The following RPS6KA2 variants were observed in gnomAD, a reference collection of about 807,000 sequenced individuals.
RPS6KA2 encodes ribosomal protein S6 kinase alpha-2.
A neutral mutation model predicts 91.8 loss-of-function variants in RPS6KA2; 42 were observed. The observed-to-expected ratio is 0.46, with a 90% CI of 0.36 to 0.59. The LOEUF (loss-of-function observed/expected upper bound fraction) is 0.59. Among genes scored for constraint, RPS6KA2 ranks in the 20% least tolerant of loss-of-function variants. RPS6KA2 has a pLI of 0.00. For missense variants in RPS6KA2, 798 were observed against 978.5 expected (o/e 0.82, Z 2.46); for synonymous variants, 414 against 393.6 (o/e 1.05, Z -0.61).
chr6:166,790,107 A>G (rs1779043391), intron 2 of RPS6KA2, among the ~76,000 whole-genome samples: 2 of 152,046 alleles, frequency 1.3e-5, no homozygotes, highest in Admixed American at 6.6e-5. Flanking sequence ...GAAGTTAAAA[A>G]CTTTGAAAAA....
intron 2 of RPS6KA2, among the ~76,000 whole-genome samples, chr6:166,650,350 C>T (rs556094666): frequency 1.3e-5 from 2 of 151,514 alleles, no homozygotes; most frequent in African/African-American, 2.4e-5. Context: ...ACTGGGGTAG[C>T]AAGAAGAGGG....
chr6:166,837,523 C>T lies in RPS6KA2; in HGVS notation c.123+20677G>A, dbSNP rs146384077. ...CTGTGTCTGTCCACCTGAGGGCTCCCCGCTCCTGCCTAGCCCCCAGTCCCC... is the reference window on the plus strand; with the variant it reads ...CTGTGTCTGTCCACCTGAGGGCTCCTCGCTCCTGCCTAGCCCCCAGTCCCC... On this transcript the variant is annotated intron_variant, in intron 2 of 21. Coordinates refer to the RPS6KA2 transcript ENST00000503859. 9.1e-4 allele frequency among the ~76,000 whole-genome samples: 138 copies of T among 152,354 alleles called. No individual in the cohort carries two copies. In the East Asian group the frequency reaches 0.026, roughly 29 times the overall value.
At chr6:166,615,792 G>C (rs1275787863) in intron 1 of RPS6KA2, among the ~76,000 whole-genome samples, 10 of 152,110 alleles carry the variant, frequency 6.6e-5, no homozygotes, top group Admixed American at 6.5e-4. Context: ...CAGGATGGGC[G>C]CTCTGTCCCC....
At chr6:166,862,347 G>T in exon 1 of RPS6KA2, 4 of 1,451,398 alleles carry the variant, frequency 2.8e-6, no homozygotes, top group Non-Finnish European at 3.6e-6. Flanking sequence ...TCGTGAGCGC[G>T]GGGCCTGCGC....
chr6:166,721,810 A>AGGTGCCAGCTCAGAGGAGGAGCC (rs66884384), intron 2 of RPS6KA2, among the ~76,000 whole-genome samples: 1 of 151,302 alleles, frequency 6.6e-6, no homozygotes, highest in Non-Finnish European at 1.5e-5. Flanking sequence ...TTCCCCCAGG[A>AGGTGCCAGCTCAGAGGAGGAGCC]GGTGCCAGCT....
At chr6:166,729,622 A>G (rs1790451832) in intron 2 of RPS6KA2, among the ~76,000 whole-genome samples, 1 of 152,222 alleles carries the variant, frequency 6.6e-6, no homozygotes, top group Non-Finnish European at 1.5e-5. Context: ...GATTACAGAC[A>G]TAAGCCACCA....
At chr6:166,560,387 T>C (rs1784308827) in intron 1 of RPS6KA2, among the ~76,000 whole-genome samples, 1 of 152,186 alleles carries the variant, frequency 6.6e-6, no homozygotes, top group Non-Finnish European at 1.5e-5. Flanking sequence ...CCAAACACAA[T>C]GAAGGCAGAC....
intron 2 of RPS6KA2, among the ~76,000 whole-genome samples, chr6:166,632,681 A>G (rs189960189): frequency 1.3e-5 from 2 of 152,300 alleles, no homozygotes; most frequent in African/African-American, 2.4e-5. Context: ...AGAATGAATG[A>G]GGAAGGACAT....
chr6:166,716,035 CAAAAAAA>C (rs141709524), intron 2 of RPS6KA2, among the ~76,000 whole-genome samples: 1 of 89,778 alleles, frequency 1.1e-5, no homozygotes. Context: ...GAGACTCCAT[CAAAAAAA>C]AAAAAAAAAA....
intron 2 of RPS6KA2, among the ~76,000 whole-genome samples, chr6:166,708,489 T>C (rs1405225062): frequency 6.6e-6 from 1 of 152,246 alleles, no homozygotes; most frequent in Non-Finnish European, 1.5e-5. Flanking sequence ...TATCAGGTTG[T>C]TGAAAACATT....
intron 3 of RPS6KA2, among the ~76,000 whole-genome samples, chr6:166,527,951 T>C (rs1427139810): frequency 6.6e-6 from 1 of 152,172 alleles, no homozygotes; most frequent in Non-Finnish European, 1.5e-5. Context: ...ATTTCCCAGA[T>C]AGTGGACATT....
intron 10 of RPS6KA2, among the ~76,000 whole-genome samples, chr6:166,481,412 C>G (rs1781208819): frequency 6.6e-6 from 1 of 152,200 alleles, no homozygotes; most frequent in African/African-American, 2.4e-5. Flanking sequence ...AGCCAAGGTC[C>G]CCTTTGAAAT....
intron 2 of RPS6KA2, among the ~76,000 whole-genome samples, chr6:166,683,190 T>C (rs185456135): frequency 6.6e-5 from 10 of 152,334 alleles, no homozygotes; most frequent in Admixed American, 1.3e-4. Flanking sequence ...TGGAAACACA[T>C]GCATTTCCAC....
chr6:166,555,333 G>T (rs1188201251), intron 1 of RPS6KA2, among the ~76,000 whole-genome samples: 1 of 152,158 alleles, frequency 6.6e-6, no homozygotes, highest in Non-Finnish European at 1.5e-5. Flanking sequence ...ATTGTTCTGG[G>T]CTCTCCGACC....
At chr6:166,721,272 T>C (rs1455870180) in intron 2 of RPS6KA2, among the ~76,000 whole-genome samples, 1 of 152,086 alleles carries the variant, frequency 6.6e-6, no homozygotes, top group Non-Finnish European at 1.5e-5. Flanking sequence ...TTGGATGGGT[T>C]TCCTCAAAAG....
chr6:166,770,453 C>T lies in RPS6KA2; in HGVS notation c.123+87747G>A, dbSNP rs1778436626. 6.6e-6 allele frequency among the ~76,000 whole-genome samples: 1 copy of T among 152,174 alleles called. No homozygotes were observed. Among genetic ancestry groups the T allele is most frequent in the African/African-American group, 2.4e-5 (1 of 41,422 alleles). On this transcript the variant is annotated intron_variant, in intron 2 of 21. Coordinates refer to the RPS6KA2 transcript ENST00000503859. The surrounding 1 kb of genome is among the most constrained non-coding windows in gnomAD (Gnocchi z 5.1). Reference sequence around the variant, plus strand: ...GCCCCAGGCAGCTTCAGCACCCCCACGTTTGCCTCGCTGCCATGGCTCCCT... The same window carrying T: ...GCCCCAGGCAGCTTCAGCACCCCCATGTTTGCCTCGCTGCCATGGCTCCCT...
intron 2 of RPS6KA2, among the ~76,000 whole-genome samples, chr6:166,788,674 C>T (rs964229835): frequency 3.9e-5 from 6 of 151,960 alleles, no homozygotes; most frequent in African/African-American, 7.3e-5. Flanking sequence ...CATCACACAC[C>T]GGGGCCTGTC....
rs575946487 is a variant in RPS6KA2 at position 166,788,207 on chromosome 6, G to A, written c.123+69993C>T. ...AAAAATAGATGCTGGTGAGGCTGTG[G>A]AGAAATGGGAATGCTTTTATGCTGT... is the stretch of plus-strand genomic sequence containing the variant. On this transcript the variant is annotated intron_variant, in intron 2 of 21. Coordinates refer to the RPS6KA2 transcript ENST00000503859. 4.7e-4 allele frequency among the ~76,000 whole-genome samples: 72 copies of A among 152,324 alleles called. No individual in the cohort carries two copies. In the South Asian group the frequency reaches 0.015, roughly 32 times the overall value.
At chr6:166,530,392 T>C (rs1783226306) in intron 3 of RPS6KA2, among the ~76,000 whole-genome samples, 1 of 152,212 alleles carries the variant, frequency 6.6e-6, no homozygotes, top group Non-Finnish European at 1.5e-5. Context: ...CCACACCTTC[T>C]GCAGGAACCA....
Sources: allele counts gnomAD v4.1 joint callset (sites outside exome capture counted in the v4.1 genomes callset), GRCh38; gene constraint gnomAD v4.1.1; non-coding constraint Gnocchi (gnomAD v3.1); transcripts MANE v1.5; gene names NCBI Gene and HGNC (gene_info 2026-07-23, HGNC 2026-07-21).